The following ABHD3 variants were observed in gnomAD, a reference collection of about 807,000 sequenced individuals.
ABHD3 encodes abhydrolase domain containing 3, phospholipase, also known as phospholipase ABHD3.
Under a neutral mutation model 48.8 loss-of-function variants are expected in ABHD3, and 46 were observed. The ratio of observed to expected loss-of-function variants is 0.94; its 90% CI spans 0.74 to 1.20. ABHD3 has a LOEUF of 1.20. Among genes scored for constraint, ABHD3 ranks in the 50% most tolerant of loss-of-function variants. The pLI, the probability that ABHD3 is intolerant of heterozygous loss-of-function variation, is 0.00. For missense variants in ABHD3, 490 were observed against 497.8 expected, an observed-to-expected ratio of 0.98 and a Z score of 0.15; for synonymous variants, 192 against 183.7, an observed-to-expected ratio of 1.04 and a Z score of -0.36.
rs1192023435 is a variant in ABHD3 at position 21,654,019 on chromosome 18, A to AT, written c.1058-2257dup. Among the ~76,000 whole-genome samples the AT allele has an allele frequency of 1.0e-2, 1,398 of 139,850 alleles. 17 individuals carry two copies. Among genetic ancestry groups the AT allele is most frequent in the African/African-American group, 0.032 (1,208 of 38,252 alleles). 91.7% of individuals were successfully genotyped at this position (139,850 alleles called of 152,430 possible). On this transcript the variant is annotated intron_variant, in intron 8 of 8. Transcript: ENST00000289119. The stretch of plus-strand genomic sequence containing the variant: ...TCCCACCACGGCCAGCTAATTTTGT[A>AT]TTTTTTTTTTTTAGTAGAGATGGGG...
At position 21,659,194 on chromosome 18, in the gene ABHD3, GT is replaced by G; in HGVS notation, c.817del (p.Thr273ProfsTer15). On this transcript the variant is annotated frameshift_variant, in exon 6 of 9. Transcript: ENST00000289119. LOFTEE classifies it high-confidence loss of function. Reference protein sequence around the residue: ...NWLLFNYYLTTCLQSSVNKHR... With the variant: ...NWLLFNYYLTXCLQSSVNKHR... Reference sequence around the variant, plus strand: ...CTTATTAACTGAAGACTGAAGGCAGGTTGTCAAATAGTAATTAAAAAGTAGC... The same window carrying G: ...CTTATTAACTGAAGACTGAAGGCAGGTGTCAAATAGTAATTAAAAAGTAGC... 6.2e-7 allele frequency: 1 copy of G among 1,613,600 alleles called. No individual in the cohort carries two copies. The highest frequency in any genetic ancestry group is 1.1e-5 in the South Asian group (1 of 90,938).
chr18:21,690,323 T>C (rs1266165304), intron 3 of ABHD3, among the ~76,000 whole-genome samples: 2 of 152,016 alleles, frequency 1.3e-5, no homozygotes, highest in Non-Finnish European at 2.9e-5. Flanking sequence ...CATGTAATTG[T>C]GGGCACGGTG....
At chr18:21,687,398 C>T (rs2040151562) in intron 3 of ABHD3, among the ~76,000 whole-genome samples, 3 of 151,640 alleles carry the variant, frequency 2.0e-5, no homozygotes, top group East Asian at 1.9e-4. Context: ...TTTTTAGTAG[C>T]GACAGGGTTT....
At chr18:21,668,485 C>T (rs1286458048) in intron 4 of ABHD3, among the ~76,000 whole-genome samples, 1 of 151,682 alleles carries the variant, frequency 6.6e-6, no homozygotes, top group Non-Finnish European at 1.5e-5. Flanking sequence ...AGAAAAATGC[C>T]CTAAGGAAAA....
intron 3 of ABHD3, among the ~76,000 whole-genome samples, chr18:21,695,450 C>CT (rs954524339): frequency 2.0e-5 from 3 of 152,162 alleles, no homozygotes; most frequent in African/African-American, 7.2e-5. Flanking sequence ...CCTATTCCTG[C>CT]TTTTTTTCTC....
chr18:21,703,199 G>A (rs2040550174), intron 2 of ABHD3, among the ~76,000 whole-genome samples: 1 of 147,992 alleles, frequency 6.8e-6, no homozygotes, highest in Non-Finnish European at 1.5e-5. Flanking sequence ...CCCAAATTAA[G>A]TGGCATCCTT....
chr18:21,703,867 G>A (rs890916242), intron 1 of ABHD3, 120 bp from the exon 2 acceptor site: 7 of 1,074,798 alleles, frequency 6.5e-6, no homozygotes, highest in Middle Eastern at 3.1e-4. Flanking sequence ...ACTCTTTCTG[G>A]AGGGCTGACG....
rs377682556 is a variant in ABHD3, at chr18:21,656,937, C to T, written c.981G>A (p.Pro327=). The T allele has an allele frequency of 5.9e-5, 96 of 1,613,762 alleles. No individual in the cohort carries two copies. Among genetic ancestry groups the T allele is most frequent in the Non-Finnish European group, 7.7e-5 (91 of 1,179,846 alleles). ...TIDDYYTDAS[P]SPRLKSVGIP... ...TTCCTACTGACTTCAGTCTAGGACT[C>T]GGACTGGCATCAGTATAATAATCAT... The change falls in exon 8 of 9, where the codon CCG becomes CCA. Residue 327 remains proline, a synonymous_variant. Coordinates refer to ENST00000289119, the MANE Select transcript of ABHD3 (RefSeq NM_138340.5).
chr18:21,672,648 T>G (rs763796667), intron 4 of ABHD3, among the ~76,000 whole-genome samples: 3 of 152,246 alleles, frequency 2.0e-5, no homozygotes, highest in Non-Finnish European at 4.4e-5. Flanking sequence ...GCTCCTTAAT[T>G]GATCTCTACA....
At chr18:21,682,472 C>G (rs2040025981) in intron 4 of ABHD3, 1 of 152,126 alleles carries the variant, frequency 6.6e-6, no homozygotes. Flanking sequence ...GTAGCCTTAA[C>G]AAAGGCTACT....
In ABHD3 at chr18:21,683,942, C is replaced by A; in HGVS notation, c.533G>T (p.Gly178Val). ...TACCAAGAGATTCTCCCCCGCCACT[C>A]CTCTGTTGTTAAAAACCACACATCT... Reference protein sequence around the residue: ...GYRCVVFNNRGVAGENLLTPR... With the variant: ...GYRCVVFNNRVVAGENLLTPR... The change falls in exon 4 of 9, where the codon GGA becomes GTA. Residue 178 changes from glycine to valine, a missense_variant. By Grantham distance (109) the Gly-to-Val change is moderately radical. Coordinates refer to ENST00000289119, the MANE Select transcript of ABHD3 (RefSeq NM_138340.5). 6.2e-7 allele frequency: 1 copy of A among 1,601,400 alleles called. No individual in the cohort carries two copies. Among genetic ancestry groups the A allele is most frequent in the Non-Finnish European group, 8.5e-7 (1 of 1,173,256 alleles).
intron 3 of ABHD3, among the ~76,000 whole-genome samples, chr18:21,692,245 C>T (rs943884970): frequency 1.3e-5 from 2 of 152,166 alleles, no homozygotes; most frequent in Admixed American, 6.5e-5. Flanking sequence ...CCACCGCACC[C>T]GGCCCTACAT....
At chr18:21,700,936 G>A (rs1598567874) in intron 3 of ABHD3, among the ~76,000 whole-genome samples, 2 of 113,500 alleles carry the variant, frequency 1.8e-5, no homozygotes, top group African/African-American at 3.5e-5. Flanking sequence ...CTGGGCAACA[G>A]AGCCAGATTT....
At chr18:21,674,066 T>G (rs1456874691) in intron 4 of ABHD3, among the ~76,000 whole-genome samples, 3 of 152,038 alleles carry the variant, frequency 2.0e-5, no homozygotes, top group Admixed American at 2.0e-4. Context: ...AGAAGGGAAA[T>G]CCAGTTCTAT....
chr18:21,690,579 G>T (rs1406833459), intron 3 of ABHD3, among the ~76,000 whole-genome samples: 1 of 152,138 alleles, frequency 6.6e-6, no homozygotes, highest in African/African-American at 2.4e-5. Flanking sequence ...TCCAGCCTGG[G>T]CGACAGAGCA....
intron 4 of ABHD3, among the ~76,000 whole-genome samples, chr18:21,679,638 C>A (rs2039963121): frequency 6.6e-6 from 1 of 152,138 alleles, no homozygotes; most frequent in Non-Finnish European, 1.5e-5. Context: ...AAATGATTTT[C>A]CTGCCTCAGC....
chr18:21,704,406 G>A (rs1568169884), intron 1 of ABHD3, 98 bp downstream of exon 1: 2 of 1,190,560 alleles, frequency 1.7e-6, no homozygotes, highest in African/African-American at 1.6e-5. Context: ...GCCTATCCCC[G>A]GGGCTGCCGA....
At chr18:21,677,745 G>A (rs943336259) in intron 4 of ABHD3, among the ~76,000 whole-genome samples, 7 of 151,468 alleles carry the variant, frequency 4.6e-5, no homozygotes, top group East Asian at 3.9e-4. Context: ...GTGCAGTGGC[G>A]TGATCTCGGC....
chr18:21,674,129 A>G (rs991153226), intron 4 of ABHD3, among the ~76,000 whole-genome samples: 2 of 152,166 alleles, frequency 1.3e-5, no homozygotes, highest in Admixed American at 1.3e-4. Flanking sequence ...ACTCCCAAAC[A>G]TCTCATACCT....
Sources: gnomAD v4.1 joint callset for allele counts (sites outside exome capture counted in the v4.1 genomes callset) on GRCh38, gnomAD v4.1.1 for gene constraint, MANE v1.5 for transcripts, NCBI Gene and HGNC (gene_info 2026-07-23, HGNC 2026-07-21) for gene names.